Variants in SEPTIN8 observed in about 807,000 individuals in gnomAD.
SEPTIN8 encodes septin 8, also known as septin-8.
In SEPTIN8, 22 loss-of-function variants were observed where a neutral mutation model predicts 53.1. The observed-to-expected ratio is 0.41, with a 90% CI of 0.30 to 0.59. The LOEUF (loss-of-function observed/expected upper bound fraction) is 0.59. SEPTIN8 is among the 20% of genes least tolerant of loss of function. SEPTIN8 has a pLI of 0.24. For missense variants in SEPTIN8, 536 were observed against 638.7 expected, an observed-to-expected ratio of 0.84 and a Z score of 1.73; for synonymous variants, 228 against 248.4, an observed-to-expected ratio of 0.92 and a Z score of 0.77.
intron 9 of SEPTIN8, chr5:132,757,271 T>C (rs1755428390): frequency 2.0e-6 from 2 of 985,302 alleles, no homozygotes; most frequent in Non-Finnish European, 2.4e-6. Context: ...AGTTGAATTG[T>C]CACTAGAACC....
chr5:132,766,764 C>T (rs544354978), intron 1 of SEPTIN8, among the ~76,000 whole-genome samples: 118 of 152,132 alleles, frequency 7.8e-4, no homozygotes, highest in African/African-American at 2.4e-3. Flanking sequence ...GATACAGGCT[C>T]GGGGTCAGGA....
intron 9 of SEPTIN8, chr5:132,758,748 A>C: frequency 1.2e-6 from 2 of 1,613,908 alleles, no homozygotes; most frequent in Non-Finnish European, 1.7e-6. Context: ...GAGAAGGGTC[A>C]CAAGGTGTAA....
At position 132,777,086 on chromosome 5, in the gene SEPTIN8, C is replaced by G; in HGVS notation, c.30+22G>C. 1 of 1,129,952 alleles carries G rather than the reference C, an allele frequency of 8.8e-7. No individual in the cohort carries two copies. Among genetic ancestry groups the G allele is most frequent in the Non-Finnish European group, 1.1e-6 (1 of 922,950 alleles). The allele number at this position is 1,129,952 out of a possible 1,614,324, so 70.0% of individuals were successfully genotyped here. A position where few individuals can be genotyped will look rare whatever the true frequency, so the allele number is the denominator to read the frequency against. ...TGCGCCCCGCGCCTCCCGCGCGCGC[C>G]GTGGCCCAGCGGGGCCCTCACCGAG... is the stretch of plus-strand genomic sequence containing the variant. On this transcript the variant is annotated intron_variant, in intron 1 of 9. Coordinates refer to ENST00000378719, the MANE Select transcript of SEPTIN8 (RefSeq NM_001098811.2). This position sits in a 1 kb window ranked among gnomAD's most constrained non-coding sequence, Gnocchi z 4.1.
At chr5:132,769,988 T>C (rs868730787) in intron 1 of SEPTIN8, among the ~76,000 whole-genome samples, 11 of 19,622 alleles carry the variant, frequency 5.6e-4, no homozygotes, top group Non-Finnish European at 6.8e-4. Flanking sequence ...TATACATATA[T>C]ATATATATAT....
At chr5:132,765,721 T>A (rs1455767496) in intron 1 of SEPTIN8, among the ~76,000 whole-genome samples, 192 bp from the exon 2 acceptor site, 1 of 152,144 alleles carries the variant, frequency 6.6e-6, no homozygotes, top group Non-Finnish European at 1.5e-5. Context: ...GGGAGCCCGA[T>A]GCCCCCAGGG....
At chr5:132,752,613 G>C (rs759098017) in intron 9 of SEPTIN8, among the ~76,000 whole-genome samples, 4 of 152,168 alleles carry the variant, frequency 2.6e-5, no homozygotes, top group Non-Finnish European at 4.4e-5. Context: ...CAAGCATTGT[G>C]GGGGCACAAG....
chr5:132,774,956 T>C (rs561196475), intron 1 of SEPTIN8, among the ~76,000 whole-genome samples: 1 of 152,244 alleles, frequency 6.6e-6, no homozygotes, highest in Admixed American at 6.5e-5. Flanking sequence ...AGTCCAGACT[T>C]AAATTCAGGC....
chr5:132,769,773 G>A (rs1236702105), intron 1 of SEPTIN8, among the ~76,000 whole-genome samples: 2 of 151,336 alleles, frequency 1.3e-5, no homozygotes, highest in African/African-American at 2.4e-5. Context: ...ATCACTCCCC[G>A]CCTGCTGGAT....
rs538037351 is a variant in SEPTIN8, at chr5:132,756,133, C to T, written c.1287-3952G>A. The T allele has an allele frequency of 1.2e-5, 12 of 985,422 alleles. No individual in the cohort carries two copies. The African/African-American group carries it at 2.1e-4, about 17-fold the overall frequency. The allele number at this position is 985,422 out of a possible 1,614,324, so 61.0% of individuals were successfully genotyped here. On this transcript the variant is annotated intron_variant, in intron 9 of 9. Coordinates refer to ENST00000378719, the MANE Select transcript of SEPTIN8 (RefSeq NM_001098811.2). ...ATTTTAGAAAAGCATGTTAACGTAA[C>T]AGACTAGCAAGCCACACTTCCTCAG...
chr5:132,770,002 TATATATATATATATATATATAC>T lies in SEPTIN8; in HGVS notation c.31-4495_31-4474del, dbSNP rs1436162450. ...ATATACATATATATATATATATATA[TATATATATATATATATATATAC>T]ACACACATATATATATATGTGTGTG... On this transcript the variant is annotated intron_variant, in intron 1 of 9. Coordinates refer to ENST00000378719, the MANE Select transcript of SEPTIN8 (RefSeq NM_001098811.2). 6.8e-4 allele frequency among the ~76,000 whole-genome samples: 33 copies of T among 48,504 alleles called. No individual in the cohort carries two copies. The East Asian group carries it at 8.0e-3, about 12-fold the overall frequency. The allele number at this position is 48,504 out of a possible 152,430, so 31.8% of individuals were successfully genotyped here.
At position 132,761,709 on chromosome 5, in the gene SEPTIN8, T is replaced by G; in HGVS notation, c.794-83A>C. 2 of 1,589,332 alleles carry G rather than the reference T, an allele frequency of 1.3e-6. No individual in the cohort carries two copies. The highest frequency in any genetic ancestry group is 2.2e-5 in the East Asian group (1 of 44,658). Reference sequence around the variant, plus strand: ...GTCAGGGTAGGCACGCAGGTGGGCATGAGGAGGAAACAGCACAGGGTACTA... The same window carrying G: ...GTCAGGGTAGGCACGCAGGTGGGCAGGAGGAGGAAACAGCACAGGGTACTA... On this transcript the variant is annotated intron_variant, in intron 6 of 9. Coordinates refer to ENST00000378719, the MANE Select transcript of SEPTIN8 (RefSeq NM_001098811.2). The surrounding 1 kb of genome is among the most constrained non-coding windows in gnomAD (Gnocchi z 5.8).
Position 132,761,550 on chromosome 5 carries a change from C to T in SEPTIN8, c.870G>A (p.Glu290=). Residue 290 remains glutamate, a synonymous_variant, in exon 7 of 10, where the codon GAG becomes GAA. Coordinates refer to ENST00000378719, the MANE Select transcript of SEPTIN8 (RefSeq NM_001098811.2). The surrounding 1 kb of genome is among the most constrained non-coding windows in gnomAD (Gnocchi z 5.8). ...LIRVNMEDLR[E]QTHSRHYELY... is the part of the protein sequence containing the mutation. ...GCTCGTAGTGCCGGCTGTGGGTCTG[C>T]TCGCGGAGGTCTTCCATGTTCACCC... is the stretch of plus-strand genomic sequence containing the variant. 6.2e-7 allele frequency: 1 copy of T among 1,613,958 alleles called. No homozygotes were observed. Among genetic ancestry groups the T allele is most frequent in the African/African-American group, 1.3e-5 (1 of 75,000 alleles).
intron 1 of SEPTIN8, chr5:132,774,210 G>A (rs1027063609): frequency 2.4e-5 from 4 of 167,056 alleles, no homozygotes; most frequent in Non-Finnish European, 4.4e-5. Flanking sequence ...GTGACAGATG[G>A]TGCTGGGGAT....
intron 3 of SEPTIN8, 93 bp downstream of exon 3, chr5:132,764,131 C>T (rs556856977): frequency 4.5e-6 from 6 of 1,335,520 alleles, no homozygotes; most frequent in Non-Finnish European, 6.2e-6. Flanking sequence ...CCCTCCCTGG[C>T]CCCCTGCAGT....
chr5:132,754,266 A>G, intron 9 of SEPTIN8: 2 of 629,212 alleles, frequency 3.2e-6, no homozygotes, highest in Non-Finnish European at 5.8e-6. Context: ...ACTCTCCTCT[A>G]GTCCAGAACC....
Position 132,752,149 on chromosome 5 carries a change from A to T in SEPTIN8, c.1319T>A (p.Met440Lys). ...RSDIGAHQPGMSLSSSKVMMT... is the reference protein window; with the variant it reads ...RSDIGAHQPGKSLSSSKVMMT... Reference sequence around the variant, plus strand: ...CATCACCTTAGAGCTGGAGAGGCTCATGCCCGGCTGGTGTGCTCCTATATC... The same window carrying T: ...CATCACCTTAGAGCTGGAGAGGCTCTTGCCCGGCTGGTGTGCTCCTATATC... The change falls in exon 10 of 10, where the codon ATG becomes AAG. Residue 440 changes from methionine (M) to lysine (K), a missense_variant. By Grantham distance (95) the Met-to-Lys change is moderately conservative. Transcript: ENST00000378719. 2 of 1,595,436 alleles carry T rather than the reference A, an allele frequency of 1.3e-6. No homozygotes were observed. The highest frequency in any genetic ancestry group is 2.2e-5 in the East Asian group (1 of 44,496).
intron 9 of SEPTIN8, chr5:132,758,625 G>T: frequency 6.3e-7 from 1 of 1,596,338 alleles, no homozygotes; most frequent in Non-Finnish European, 8.5e-7. Context: ...GCATAGAGAG[G>T]GGTGGCCCGC....
At position 132,777,138 on chromosome 5, in the gene SEPTIN8, G is replaced by A. The variant is rs1252483697; in HGVS notation, c.-1C>T. The A allele has an allele frequency of 6.0e-6, 7 of 1,170,886 alleles. No individual in the cohort carries two copies. Among genetic ancestry groups the A allele is most frequent in the Admixed American group, 9.3e-5 (2 of 21,540 alleles). The allele number at this position is 1,170,886 out of a possible 1,614,324, so 72.5% of individuals were successfully genotyped here. ...AGCGCTCCAGGTCGGTGGCCGCCAT[G>A]GCGAGCTCCGCACCGGGCGGGTGGG... On this transcript the variant is annotated 5_prime_UTR_variant, in exon 1 of 10. Coordinates refer to ENST00000378719, the MANE Select transcript of SEPTIN8 (RefSeq NM_001098811.2). This position sits in a 1 kb window ranked among gnomAD's most constrained non-coding sequence, Gnocchi z 4.1.
chr5:132,756,715 A>G (rs192004988), intron 9 of SEPTIN8: 4 of 985,366 alleles, frequency 4.1e-6, no homozygotes, highest in Admixed American at 6.1e-5. Context: ...AAGTCTGTCA[A>G]GTGTCCTGAA....
Sources: gnomAD v4.1 joint callset for allele counts (sites outside exome capture counted in the v4.1 genomes callset) on GRCh38, gnomAD v4.1.1 for gene constraint, Gnocchi (gnomAD v3.1) non-coding constraint, MANE v1.5 for transcripts, NCBI Gene and HGNC (gene_info 2026-07-23, HGNC 2026-07-21) for gene names.